Variants in LRRTM3 observed in about 807,000 individuals in gnomAD.
LRRTM3 encodes the protein leucine rich repeat transmembrane neuronal 3.
LRRTM3 carries 24 observed loss-of-function variants against 44.7 expected under a neutral mutation model. The ratio of observed to expected loss-of-function variants is 0.54; its 90% CI spans 0.39 to 0.76. The LOEUF (loss-of-function observed/expected upper bound fraction) is 0.76. LRRTM3 is among the 30% of genes least tolerant of loss of function. LRRTM3 has a pLI of 0.00. For missense variants in LRRTM3, 587 were observed against 702.2 expected, an observed-to-expected ratio of 0.84 and a Z score of 1.85; for synonymous variants, 277 against 278.7, an observed-to-expected ratio of 0.99 and a Z score of 0.06.
In LRRTM3 at chr10:67,098,233, T is replaced by C. The variant is rs1858132143; in HGVS notation, c.*437T>C. The C allele has an allele frequency of 6.3e-6, 1 of 159,240 alleles. No homozygotes were observed. Among genetic ancestry groups the C allele is most frequent in the Admixed American group, 6.1e-5 (1 of 16,356 alleles). The allele number at this position is 159,240 out of a possible 1,614,324, so 9.9% of individuals were successfully genotyped here. A position where few individuals can be genotyped will look rare whatever the true frequency, so the allele number is the denominator to read the frequency against. On this transcript the variant is annotated 3_prime_UTR_variant, in exon 3 of 3. Coordinates refer to ENST00000361320, the MANE Select transcript of LRRTM3 (RefSeq NM_178011.5). Reference sequence around the variant, plus strand: ...TTTTAAATTAACAAAAATTATTTCTTGTGTTATTCAGAGTTACTCAGTTTT... The same window carrying C: ...TTTTAAATTAACAAAAATTATTTCTCGTGTTATTCAGAGTTACTCAGTTTT...
intron 2 of LRRTM3, among the ~76,000 whole-genome samples, chr10:66,987,030 C>A (rs556653469): frequency 1.6e-4 from 25 of 152,162 alleles, no homozygotes; most frequent in African/African-American, 3.1e-4. Context: ...AGAAACCAAG[C>A]AGATATACAA....
At chr10:67,007,852 C>T (rs1246147439) in intron 2 of LRRTM3, among the ~76,000 whole-genome samples, 1 of 151,962 alleles carries the variant, frequency 6.6e-6, no homozygotes, top group Non-Finnish European at 1.5e-5. Flanking sequence ...GCCATTATTT[C>T]AGATATTTTG....
chr10:66,952,097 T>A (rs1213702103), intron 2 of LRRTM3, among the ~76,000 whole-genome samples: 1 of 152,128 alleles, frequency 6.6e-6, no homozygotes, highest in Non-Finnish European at 1.5e-5. Context: ...GCTGGGTCCA[T>A]TTTCTCCCCC....
At chr10:67,097,445 G>A (rs1021795377) in intron 2 of LRRTM3, 142 bp from the exon 3 acceptor site, 25 of 655,480 alleles carry the variant, frequency 3.8e-5, no homozygotes, top group African/African-American at 1.8e-4. Flanking sequence ...GGGCATTAGC[G>A]GGATAATATA....
intron 2 of LRRTM3, among the ~76,000 whole-genome samples, chr10:66,977,022 A>G (rs1324374772): frequency 6.6e-6 from 1 of 152,192 alleles, no homozygotes; most frequent in Non-Finnish European, 1.5e-5. Context: ...AAATGCTTCC[A>G]GGAGAATTAG....
intron 2 of LRRTM3, among the ~76,000 whole-genome samples, chr10:67,015,778 G>A (rs1305651344): frequency 1.3e-5 from 2 of 151,400 alleles, no homozygotes; most frequent in Non-Finnish European, 2.9e-5. Context: ...CACCAATTAC[G>A]TACATGTTGT....
At chr10:67,086,526 C>T (rs1409771965) in intron 2 of LRRTM3, among the ~76,000 whole-genome samples, 1 of 151,996 alleles carries the variant, frequency 6.6e-6, no homozygotes, top group East Asian at 1.9e-4. Context: ...TATCCAAGTC[C>T]TGCCAAAGCA....
chr10:66,992,829 C>G (rs910528536), intron 2 of LRRTM3, among the ~76,000 whole-genome samples: 11 of 152,096 alleles, frequency 7.2e-5, no homozygotes, highest in Non-Finnish European at 1.3e-4. Context: ...AATTTTAATG[C>G]CTTTTTAGTG....
intron 2 of LRRTM3, among the ~76,000 whole-genome samples, chr10:66,978,520 CCATCTCAAAAAAAAAAAA>C: frequency 1.9e-5 from 1 of 52,064 alleles, no homozygotes; most frequent in South Asian, 9.6e-4. Flanking sequence ...GAGTGAGACT[CCATCTCAAAAAAAAAAAA>C]AAAAAAAAAA....
At chr10:67,096,045 T>A (rs1857973552) in intron 2 of LRRTM3, among the ~76,000 whole-genome samples, 1 of 151,832 alleles carries the variant, frequency 6.6e-6, no homozygotes, top group South Asian at 2.1e-4. Context: ...TAACTTCATG[T>A]TTTAAATCTT....
Position 66,987,881 on chromosome 10 carries a change from C to T in LRRTM3, c.1536+59429C>T, listed in dbSNP as rs1329498248. On this transcript the variant is annotated intron_variant, in intron 2 of 2. Coordinates refer to ENST00000361320, the MANE Select transcript of LRRTM3 (RefSeq NM_178011.5). Reference sequence around the variant, plus strand: ...GTTAGTTTACAATGAATTAAAGGAACTCCTTTTTATGCAGAGGGTTTTAAA... The same window carrying T: ...GTTAGTTTACAATGAATTAAAGGAATTCCTTTTTATGCAGAGGGTTTTAAA... Among the ~76,000 whole-genome samples the T allele has an allele frequency of 2.0e-5, 3 of 152,110 alleles. No homozygotes were observed. In the East Asian group the frequency reaches 5.8e-4, roughly 29 times the overall value.
At chr10:66,994,955 G>A (rs991916572) in intron 2 of LRRTM3, among the ~76,000 whole-genome samples, 2 of 152,112 alleles carry the variant, frequency 1.3e-5, no homozygotes, top group Non-Finnish European at 2.9e-5. Flanking sequence ...TGCCAAGATG[G>A]AACTCTCCAC....
chr10:67,011,522 T>C (rs140336556), intron 2 of LRRTM3, among the ~76,000 whole-genome samples: 11 of 152,308 alleles, frequency 7.2e-5, no homozygotes, highest in African/African-American at 2.4e-4. Flanking sequence ...CTTAAAACTT[T>C]ACTGTCAATA....
At chr10:67,006,688 A>G (rs1003249596) in intron 2 of LRRTM3, among the ~76,000 whole-genome samples, 5 of 152,242 alleles carry the variant, frequency 3.3e-5, no homozygotes, top group African/African-American at 9.6e-5. Context: ...TCAGCACACT[A>G]TAAGATGTAA....
chr10:67,091,021 A>G (rs2131908998), intron 2 of LRRTM3, among the ~76,000 whole-genome samples: 1 of 152,216 alleles, frequency 6.6e-6, no homozygotes, highest in East Asian at 1.9e-4. Context: ...GGTATTTTCA[A>G]TCAAGAGTTT....
chr10:67,073,135 A>G (rs917874573), intron 2 of LRRTM3, among the ~76,000 whole-genome samples: 2 of 152,204 alleles, frequency 1.3e-5, no homozygotes, highest in African/African-American at 4.8e-5. Context: ...TCCCTTCTGA[A>G]ATTTTAGTTC....
chr10:67,069,884 C>T (rs2131844114), intron 2 of LRRTM3, among the ~76,000 whole-genome samples: 1 of 152,194 alleles, frequency 6.6e-6, no homozygotes, highest in South Asian at 2.1e-4. Flanking sequence ...CACTTTTGTA[C>T]ATCTTTTGGT....
rs59495461 is a variant in LRRTM3 at position 66,942,574 on chromosome 10, CTCTG to C, written c.1536+14124_1536+14127del. ...TCTCTCTCTCTCTCTCTCTCTCTCT[CTCTG>C]TGTGTGTGTATGTGTGTGTGTGTGT... is the stretch of plus-strand genomic sequence containing the variant. On this transcript the variant is annotated intron_variant, in intron 2 of 2. Coordinates refer to ENST00000361320, the MANE Select transcript of LRRTM3 (RefSeq NM_178011.5). Among the ~76,000 whole-genome samples, 831 of 141,732 alleles carry C rather than the reference CTCTG, an allele frequency of 5.9e-3. 8 individuals are homozygous for C. The highest frequency in any genetic ancestry group is 0.02 in the African/African-American group (778 of 38,084). 93.0% of individuals were successfully genotyped at this position (141,732 alleles called of 152,430 possible).
chr10:67,017,595 T>C (rs1852734268), intron 2 of LRRTM3, among the ~76,000 whole-genome samples: 1 of 152,208 alleles, frequency 6.6e-6, no homozygotes, highest in South Asian at 2.1e-4. Flanking sequence ...GAAACTCATA[T>C]GGCTCTACCT....
Sources: allele counts gnomAD v4.1 joint callset (sites outside exome capture counted in the v4.1 genomes callset), GRCh38; gene constraint gnomAD v4.1.1; transcripts MANE v1.5; gene names NCBI Gene and HGNC (gene_info 2026-07-23, HGNC 2026-07-21).